Variants in UBE2E2 observed in about 807,000 individuals in gnomAD.
The protein encoded by UBE2E2 is ubiquitin-conjugating enzyme E2 E2.
UBE2E2 carries 6 observed loss-of-function variants against 24.7 expected under a neutral mutation model. The ratio of observed to expected loss-of-function variants is 0.24; its 90% CI spans 0.13 to 0.48. UBE2E2 has a LOEUF of 0.48. Among genes scored for constraint, UBE2E2 ranks in the 20% least tolerant of loss-of-function variants. The probability of loss-of-function intolerance (pLI) is 0.99; values close to 1 mark genes in which losing one functional copy is unlikely to be tolerated. For synonymous variants in UBE2E2, 104 were observed against 83.6 expected (o/e 1.24, Z -1.33); for missense variants, 169 against 245.0 (o/e 0.69, Z 2.07).
intron 3 of UBE2E2, among the ~76,000 whole-genome samples, chr3:23,264,246 G>A (rs1697981364): frequency 6.6e-6 from 1 of 150,950 alleles, no homozygotes; most frequent in East Asian, 1.9e-4. Flanking sequence ...TGTCCCAAGT[G>A]GAAGAGAAAG....
At chr3:23,396,716 A>G (rs115377477) in intron 3 of UBE2E2, among the ~76,000 whole-genome samples, 1,876 of 152,314 alleles carry the variant, frequency 0.012, 18 homozygotes, top group Non-Finnish European at 0.021. Flanking sequence ...TAACTTCTTC[A>G]TAGGAGTAAA....
Position 23,285,948 on chromosome 3 carries a change from C to T in UBE2E2, c.227+68636C>T, listed in dbSNP as rs140145468. Among the ~76,000 whole-genome samples the T allele has an allele frequency of 6.9e-3, 1,048 of 152,316 alleles. 12 individuals are homozygous for T. The highest frequency in any genetic ancestry group is 0.024 in the African/African-American group (985 of 41,560). The stretch of plus-strand genomic sequence containing the variant: ...TTGACTTCAAGTGATCTGCCCACCT[C>T]GGCCTCCCAAAGTGCTGGGATTACA... On this transcript the variant is annotated intron_variant, in intron 3 of 5. Transcript: ENST00000396703.
At chr3:23,478,898 T>TA (rs1559396453) in intron 3 of UBE2E2, among the ~76,000 whole-genome samples, 989 of 60,952 alleles carry the variant, frequency 0.016, 12 homozygotes, top group African/African-American at 0.048. Flanking sequence ...ATATATATAT[T>TA]TTTTTTTTAA....
chr3:23,369,378 C>A (rs752717079), intron 3 of UBE2E2, among the ~76,000 whole-genome samples: 1 of 152,106 alleles, frequency 6.6e-6, no homozygotes, highest in Non-Finnish European at 1.5e-5. Context: ...ATACATTTCT[C>A]ATGTATAGCC....
intron 3 of UBE2E2, among the ~76,000 whole-genome samples, chr3:23,320,337 C>G (rs1452403565): frequency 6.6e-6 from 1 of 152,198 alleles, no homozygotes; most frequent in Non-Finnish European, 1.5e-5. Context: ...CACTCTAATT[C>G]TTTGCAAGTT....
At chr3:23,566,912 A>G (rs1696087649) in intron 5 of UBE2E2, among the ~76,000 whole-genome samples, 1 of 152,202 alleles carries the variant, frequency 6.6e-6, no homozygotes. Context: ...GCCAAGAGAT[A>G]TCTGGGAATT....
chr3:23,424,838 T>A (rs981966763), intron 3 of UBE2E2, among the ~76,000 whole-genome samples: 17 of 152,184 alleles, frequency 1.1e-4, no homozygotes, highest in African/African-American at 4.1e-4. Context: ...CTTCAGTGAT[T>A]TGGCAGAGGT....
chr3:23,449,585 A>G (rs17013268), intron 3 of UBE2E2, among the ~76,000 whole-genome samples: 23,133 of 152,172 alleles, frequency 0.15, 1,875 homozygotes, highest in East Asian at 0.23. Context: ...CTGATTGGAA[A>G]AACCATTATC....
intron 3 of UBE2E2, among the ~76,000 whole-genome samples, chr3:23,313,691 T>G (rs1694481232): frequency 6.6e-6 from 1 of 152,084 alleles, no homozygotes; most frequent in East Asian, 1.9e-4. Flanking sequence ...CCTGTCTTGT[T>G]TTTTTAATCC....
At chr3:23,521,806 GAC>G (rs1694874231) in intron 4 of UBE2E2, among the ~76,000 whole-genome samples, 1 of 152,136 alleles carries the variant, frequency 6.6e-6, no homozygotes, top group Non-Finnish European at 1.5e-5. Flanking sequence ...GCCCAGGAAA[GAC>G]AAAAGATTGG....
chr3:23,265,335 C>G (rs1355285547), intron 3 of UBE2E2, among the ~76,000 whole-genome samples: 1 of 152,060 alleles, frequency 6.6e-6, no homozygotes, highest in African/African-American at 2.4e-5. Flanking sequence ...CACTTCAGTT[C>G]CCTCACCCTC....
At chr3:23,513,634 G>A (rs1694658312) in intron 4 of UBE2E2, among the ~76,000 whole-genome samples, 1 of 152,118 alleles carries the variant, frequency 6.6e-6, no homozygotes, top group Non-Finnish European at 1.5e-5. Flanking sequence ...ATTCTGCCCA[G>A]ATTGCCCTCC....
chr3:23,258,815 C>G (rs1397067634), intron 3 of UBE2E2, among the ~76,000 whole-genome samples: 1 of 148,984 alleles, frequency 6.7e-6, no homozygotes, highest in Admixed American at 6.8e-5. Flanking sequence ...ATGGCGTGAA[C>G]CCGGGAGGCG....
At chr3:23,572,862 T>C (rs987966946) in intron 5 of UBE2E2, among the ~76,000 whole-genome samples, 2 of 152,200 alleles carry the variant, frequency 1.3e-5, no homozygotes, top group African/African-American at 4.8e-5. Context: ...GCAAGTGTCT[T>C]TTTGGTAGAA....
chr3:23,252,302 CTA>C (rs1389931208), intron 3 of UBE2E2, among the ~76,000 whole-genome samples: 1 of 152,054 alleles, frequency 6.6e-6, no homozygotes, highest in Non-Finnish European at 1.5e-5. Flanking sequence ...TTATAATAAA[CTA>C]TTCATTAGTT....
chr3:23,404,501 C>T (rs1249021645), intron 3 of UBE2E2, among the ~76,000 whole-genome samples: 1 of 152,084 alleles, frequency 6.6e-6, no homozygotes, highest in African/African-American at 2.4e-5. Context: ...ATTGAGAGCT[C>T]TGAGTTCATT....
chr3:23,334,463 A>AT (rs1695152371), intron 3 of UBE2E2, among the ~76,000 whole-genome samples: 2 of 152,200 alleles, frequency 1.3e-5, no homozygotes, highest in African/African-American at 4.8e-5. Flanking sequence ...ATAGGAAAAG[A>AT]TTTTAGTGTA....
chr3:23,416,371 T>C (rs1452841786), intron 3 of UBE2E2, among the ~76,000 whole-genome samples: 1 of 152,232 alleles, frequency 6.6e-6, no homozygotes, highest in Admixed American at 6.5e-5. Flanking sequence ...GAATGTTGGA[T>C]ACTGGCGCTC....
chr3:23,477,890 A>C (rs889878712), intron 3 of UBE2E2, among the ~76,000 whole-genome samples: 1 of 152,100 alleles, frequency 6.6e-6, no homozygotes, highest in Non-Finnish European at 1.5e-5. Context: ...ACAAGATCTA[A>C]TGGTTTTATA....
Sources: gnomAD v4.1 joint callset for allele counts (sites outside exome capture counted in the v4.1 genomes callset) on GRCh38, gnomAD v4.1.1 for gene constraint, MANE v1.5 for transcripts, NCBI Gene and HGNC (gene_info 2026-07-23, HGNC 2026-07-21) for gene names.